TTLL5: variants seen among roughly 807,000 people sequenced by gnomAD.
TTLL5 encodes tubulin polyglutamylase TTLL5.
Under a neutral mutation model 168.4 loss-of-function variants are expected in TTLL5, and 132 were observed. The observed-to-expected ratio is 0.78, with a 90% CI of 0.68 to 0.91. TTLL5 has a LOEUF of 0.91. Ranked by LOEUF, TTLL5 falls within the 40% of genes least tolerant of loss-of-function variation. The pLI is 0.00. For synonymous variants in TTLL5, 546 were observed against 558.6 expected (o/e 0.98, Z 0.32); for missense variants, 1,545 against 1,581.5 (o/e 0.98, Z 0.39).
intron 12 of TTLL5, among the ~76,000 whole-genome samples, chr14:75,727,197 A>G (rs1299804037): frequency 1.3e-5 from 2 of 152,200 alleles, no homozygotes; most frequent in Non-Finnish European, 2.9e-5. Context: ...GTATTTTCCC[A>G]GAAGAACCGA....
chr14:75,691,960 T>C (rs533453085), intron 6 of TTLL5, among the ~76,000 whole-genome samples: 4 of 152,340 alleles, frequency 2.6e-5, no homozygotes, highest in South Asian at 2.1e-4. Context: ...CTGGGGCCAT[T>C]GGTTGGCAAT....
intron 31 of TTLL5, among the ~76,000 whole-genome samples, chr14:75,932,425 A>G (rs2034305595): frequency 6.6e-6 from 1 of 152,240 alleles, no homozygotes; most frequent in South Asian, 2.1e-4. Flanking sequence ...GTATATGTCC[A>G]TACTTATGAA....
At chr14:75,882,654 A>G (rs1232132292) in intron 29 of TTLL5, 31 bp from the exon 30 acceptor site, 4 of 1,585,162 alleles carry the variant, frequency 2.5e-6, no homozygotes, top group South Asian at 2.3e-5. Flanking sequence ...GGTGATGTCC[A>G]TCGATCATTT....
intron 30 of TTLL5, among the ~76,000 whole-genome samples, chr14:75,886,275 A>G (rs2032115808): frequency 6.6e-6 from 1 of 152,210 alleles, no homozygotes; most frequent in Non-Finnish European, 1.5e-5. Context: ...TAAAGATGGA[A>G]TGTCACTTGG....
Position 75,776,861 on chromosome 14 carries a change from T to A in TTLL5, c.2387+11T>A, listed in dbSNP as rs747215169. On this transcript the variant is annotated intron_variant, in intron 23 of 31. Coordinates refer to ENST00000298832, the MANE Select transcript of TTLL5 (RefSeq NM_015072.5). ...CATCAGACAAGCAAGGTAGTAGACA[T>A]TCTTGATTGATAAAAGCTGTCTTAT... 95 of 1,598,490 alleles carry A rather than the reference T, an allele frequency of 5.9e-5. 1 individual carries two copies. The South Asian group carries it at 1.0e-3, about 18-fold the overall frequency.
intron 23 of TTLL5, 61 bp from the exon 24 acceptor site, chr14:75,779,514 C>G: frequency 6.3e-7 from 1 of 1,580,542 alleles, no homozygotes; most frequent in South Asian, 1.2e-5. Context: ...ATAATAAAAT[C>G]TGGTGGAAAG....
intron 30 of TTLL5, among the ~76,000 whole-genome samples, chr14:75,901,282 C>T (rs1566652397): frequency 6.6e-6 from 1 of 152,150 alleles, no homozygotes; most frequent in African/African-American, 2.4e-5. Flanking sequence ...GGATACTAAG[C>T]AACCAGTTAC....
At position 75,785,742 on chromosome 14, in the gene TTLL5, G is replaced by A. The variant is rs61590328; in HGVS notation, c.2986+2212G>A. 7.9e-4 allele frequency among the ~76,000 whole-genome samples: 120 copies of A among 152,264 alleles called. 1 individual carries two copies. Among genetic ancestry groups the A allele is most frequent in the African/African-American group, 2.8e-3 (118 of 41,558 alleles). The stretch of plus-strand genomic sequence containing the variant: ...CATTGATCTATATGTCTGACCTTAT[G>A]CCAATATCACATTGTCTTGATTGCT... On this transcript the variant is annotated intron_variant, in intron 26 of 31. Coordinates refer to ENST00000298832, the MANE Select transcript of TTLL5 (RefSeq NM_015072.5).
intron 28 of TTLL5, among the ~76,000 whole-genome samples, chr14:75,826,137 C>T (rs74600031): frequency 0.018 from 2,673 of 152,198 alleles, 91 homozygotes; most frequent in African/African-American, 0.061. Context: ...GAGTGAAAAA[C>T]GTGGATCTTT....
intron 28 of TTLL5, among the ~76,000 whole-genome samples, chr14:75,842,726 G>A (rs548616945): frequency 2.0e-5 from 3 of 152,318 alleles, no homozygotes; most frequent in Non-Finnish European, 4.4e-5. Flanking sequence ...TTGGGGAAAG[G>A]AGGGAGGAAA....
intron 8 of TTLL5, 145 bp from the exon 9 acceptor site, chr14:75,707,478 G>A (rs1424198811): frequency 3.1e-5 from 19 of 622,568 alleles, no homozygotes; most frequent in South Asian, 8.3e-5. Flanking sequence ...GTTATCCTCC[G>A]AAGTCAAGGT....
At chr14:75,902,659 G>T (rs539823416) in intron 31 of TTLL5, 1 of 456,942 alleles carries the variant, frequency 2.2e-6, no homozygotes, top group Non-Finnish European at 4.4e-6. Flanking sequence ...TGCAGAGCTG[G>T]AGCTCTGGTC....
At chr14:75,919,976 C>T (rs1171932619) in intron 31 of TTLL5, among the ~76,000 whole-genome samples, 2 of 152,034 alleles carry the variant, frequency 1.3e-5, no homozygotes, top group Admixed American at 6.6e-5. Context: ...CAAAAATTAG[C>T]CAGGCATAGT....
intron 6 of TTLL5, among the ~76,000 whole-genome samples, chr14:75,691,683 A>G (rs541976659): frequency 6.6e-6 from 1 of 152,342 alleles, no homozygotes; most frequent in Admixed American, 6.5e-5. Context: ...TTCTCCCATG[A>G]GGAACATCAG....
intron 28 of TTLL5, among the ~76,000 whole-genome samples, chr14:75,836,457 A>G (rs1179395272): frequency 1.3e-5 from 2 of 152,118 alleles, no homozygotes; most frequent in East Asian, 1.9e-4. Context: ...CAAAAAAAAA[A>G]TAGAATGAGT....
intron 20 of TTLL5, among the ~76,000 whole-genome samples, chr14:75,771,509 T>C (rs558335052): frequency 3.1e-4 from 47 of 152,194 alleles, no homozygotes; most frequent in African/African-American, 1.0e-3. Context: ...AATGAGAAAA[T>C]AAATAGGATT....
intron 3 of TTLL5, among the ~76,000 whole-genome samples, chr14:75,669,742 T>A (rs552066143): frequency 6.1e-4 from 92 of 151,786 alleles, no homozygotes; most frequent in Admixed American, 2.3e-3. Context: ...GTTTTTTTTT[T>A]AATTGTGGTA....
At chr14:75,828,445 T>C (rs1595111568) in intron 28 of TTLL5, among the ~76,000 whole-genome samples, 1 of 152,254 alleles carries the variant, frequency 6.6e-6, no homozygotes, top group Non-Finnish European at 1.5e-5. Context: ...AAATTTTTTA[T>C]TCTCTAGCTT....
chr14:75,749,963 TTAATAA>T (rs1270369299), intron 17 of TTLL5, among the ~76,000 whole-genome samples: 4 of 152,190 alleles, frequency 2.6e-5, no homozygotes, highest in African/African-American at 4.8e-5. Flanking sequence ...AATAATAATC[TTAATAA>T]TAAGAATAGC....
Sources: allele counts gnomAD v4.1 joint callset (sites outside exome capture counted in the v4.1 genomes callset), GRCh38; gene constraint gnomAD v4.1.1; transcripts MANE v1.5; gene names NCBI Gene and HGNC (gene_info 2026-07-23, HGNC 2026-07-21).